The following BMPR1B variants were observed in gnomAD, a reference collection of about 807,000 sequenced individuals.
BMPR1B encodes bone morphogenetic protein receptor type 1B, also known as bone morphogenetic protein receptor type-1B.
A neutral mutation model predicts 59.1 loss-of-function variants in BMPR1B; 12 were observed. The observed-to-expected ratio is 0.20, with a 90% CI of 0.13 to 0.33. The LOEUF is 0.33. Among genes scored for constraint, BMPR1B ranks in the 10% least tolerant of loss-of-function variants. The pLI is 1.00. For missense variants in BMPR1B, 550 were observed against 610.9 expected (o/e 0.90, Z 1.05); for synonymous variants, 237 against 207.3 (o/e 1.14, Z -1.23).
chr4:94,803,920 C>G (rs562115209), intron 1 of BMPR1B, among the ~76,000 whole-genome samples: 164 of 152,242 alleles, frequency 1.1e-3, no homozygotes, highest in Non-Finnish European at 2.0e-3. Context: ...GCTCTGTTGC[C>G]TAGGCTGGAG....
At chr4:94,894,025 A>G (rs1184226674) in intron 2 of BMPR1B, among the ~76,000 whole-genome samples, 1 of 152,038 alleles carries the variant, frequency 6.6e-6, no homozygotes, top group Non-Finnish European at 1.5e-5. Flanking sequence ...TTCACTTAAA[A>G]ACACTGCTGC....
intron 2 of BMPR1B, among the ~76,000 whole-genome samples, chr4:94,908,874 A>G (rs1728169780): frequency 6.6e-6 from 1 of 152,024 alleles, no homozygotes; most frequent in Non-Finnish European, 1.5e-5. Flanking sequence ...TCACTGTCCT[A>G]GGACTGCCGT....
At chr4:94,902,046 GGT>G (rs34068392) in intron 2 of BMPR1B, among the ~76,000 whole-genome samples, 40,808 of 118,760 alleles carry the variant, frequency 0.34, 7,089 homozygotes, top group East Asian at 0.5. Context: ...CAGACTGCAT[GGT>G]GTGTGTGTGT....
chr4:95,132,633 A>AC (rs1315191183), intron 10 of BMPR1B, among the ~76,000 whole-genome samples: 1 of 150,712 alleles, frequency 6.6e-6, no homozygotes, highest in Admixed American at 6.6e-5. Flanking sequence ...TTTTCCTCTG[A>AC]CCTACAACCC....
chr4:95,051,630 A>G, intron 3 of BMPR1B: 23 of 1,412,912 alleles, frequency 1.6e-5, no homozygotes, highest in Non-Finnish European at 2.2e-5. Context: ...GAGGCGTCTC[A>G]GTGAAAGACG....
At chr4:94,951,356 T>C (rs59001190) in intron 2 of BMPR1B, among the ~76,000 whole-genome samples, 2,974 of 152,314 alleles carry the variant, frequency 0.02, 97 homozygotes, top group African/African-American at 0.067. Flanking sequence ...GTGCTGGTTT[T>C]CAAAAGGAAT....
chr4:95,014,362 A>T (rs1578928564), intron 3 of BMPR1B, among the ~76,000 whole-genome samples: 1 of 152,352 alleles, frequency 6.6e-6, no homozygotes, highest in Non-Finnish European at 1.5e-5. Flanking sequence ...GACATTAAGA[A>T]TAATTAAGTT....
chr4:94,836,521 T>G (rs1338532563), intron 1 of BMPR1B, among the ~76,000 whole-genome samples: 2 of 146,644 alleles, frequency 1.4e-5, no homozygotes, highest in African/African-American at 5.1e-5. Context: ...ATGATGAGCA[T>G]TTTTTCATGT....
chr4:94,941,263 C>G (rs1729499248), intron 2 of BMPR1B, among the ~76,000 whole-genome samples: 1 of 148,768 alleles, frequency 6.7e-6, no homozygotes, highest in Non-Finnish European at 1.5e-5. Flanking sequence ...AACCCCATCT[C>G]TACTAAAAAT....
intron 2 of BMPR1B, among the ~76,000 whole-genome samples, chr4:94,895,948 A>G (rs1383128011): frequency 6.6e-6 from 1 of 151,982 alleles, no homozygotes; most frequent in Admixed American, 6.6e-5. Context: ...TCTTCTGGCG[A>G]CACAAATATA....
rs1735449837 is a variant in BMPR1B at position 95,156,717 on chromosome 4, A to G, written c.*2044A>G. On this transcript the variant is annotated 3_prime_UTR_variant, in exon 13 of 13. Coordinates refer to ENST00000515059, the MANE Select transcript of BMPR1B (RefSeq NM_001203.3). The stretch of plus-strand genomic sequence containing the variant: ...TTAGAAAACAAGTAGAACTGTAATC[A>G]GAACGCTGCTTCAATTGATATTAAA... The G allele has an allele frequency of 6.6e-6, 1 of 152,194 alleles. No homozygotes were observed. The highest frequency in any genetic ancestry group is 1.5e-5 in the Non-Finnish European group (1 of 68,016). The allele number at this position is 152,194 out of a possible 1,614,324, so 9.4% of individuals were successfully genotyped here. A position where few individuals can be genotyped will look rare whatever the true frequency, so the allele number is the denominator to read the frequency against.
chr4:94,826,369 C>T (rs1724382205), intron 1 of BMPR1B, among the ~76,000 whole-genome samples: 2 of 134,764 alleles, frequency 1.5e-5, no homozygotes, highest in African/African-American at 5.8e-5. Flanking sequence ...GGTCTTCTTT[C>T]ACCATGTTTT....
At chr4:94,925,152 C>T (rs1053169384) in intron 2 of BMPR1B, among the ~76,000 whole-genome samples, 1 of 152,042 alleles carries the variant, frequency 6.6e-6, no homozygotes, top group Admixed American at 6.6e-5. Context: ...GAATCACCTG[C>T]CTTGTAGCCA....
At chr4:94,854,417 G>C (rs1384460421) in intron 1 of BMPR1B, among the ~76,000 whole-genome samples, 3 of 152,122 alleles carry the variant, frequency 2.0e-5, no homozygotes, top group Non-Finnish European at 4.4e-5. Context: ...GGCTGAAAAA[G>C]TTTTGTTGTA....
chr4:94,873,440 C>G (rs1386049744), intron 1 of BMPR1B, among the ~76,000 whole-genome samples: 1 of 147,402 alleles, frequency 6.8e-6, no homozygotes, highest in Non-Finnish European at 1.5e-5. Flanking sequence ...CAGAGTTTCG[C>G]TCTGTCACCA....
intron 2 of BMPR1B, among the ~76,000 whole-genome samples, chr4:94,987,664 G>A (rs977503210): frequency 4.6e-5 from 7 of 152,086 alleles, no homozygotes; most frequent in African/African-American, 1.7e-4. Flanking sequence ...TCTCTGGCAT[G>A]GATGGTTTCA....
chr4:94,837,456 C>G (rs1269708276), intron 1 of BMPR1B, among the ~76,000 whole-genome samples: 3 of 143,050 alleles, frequency 2.1e-5, no homozygotes, highest in East Asian at 1.9e-4. Flanking sequence ...TGTAGTTCTC[C>G]TTGAAGAGGT....
intron 1 of BMPR1B, among the ~76,000 whole-genome samples, chr4:94,815,955 C>T (rs1723994085): frequency 6.6e-6 from 1 of 152,040 alleles, no homozygotes; most frequent in Admixed American, 6.5e-5. Flanking sequence ...TATATATTAT[C>T]CTAAAAAATG....
chr4:95,115,564 T>G, intron 5 of BMPR1B, 121 bp from the exon 6 acceptor site: 2 of 827,842 alleles, frequency 2.4e-6, no homozygotes, highest in Middle Eastern at 2.2e-4. Context: ...TTAAGGTGTT[T>G]GAGTGAAATT....
Sources: gnomAD v4.1 joint callset for allele counts (sites outside exome capture counted in the v4.1 genomes callset) on GRCh38, gnomAD v4.1.1 for gene constraint, MANE v1.5 for transcripts, NCBI Gene and HGNC (gene_info 2026-07-23, HGNC 2026-07-21) for gene names.